CEP350: variants seen among roughly 807,000 people sequenced by gnomAD.
CEP350 encodes centrosome-associated protein 350.
In CEP350, 126 loss-of-function variants were observed where a neutral mutation model predicts 331.8. The observed-to-expected ratio is 0.38, with a 90% confidence interval of 0.33 to 0.44. The LOEUF (loss-of-function observed/expected upper bound fraction) is 0.44, where lower values mean the gene tolerates loss of function less well. CEP350 is among the 20% of genes least tolerant of loss of function. The pLI is 1.00. For synonymous variants in CEP350, 1,200 were observed against 1,259.5 expected (o/e 0.95, Z 1.00); for missense variants, 3,406 against 3,634.6 (o/e 0.94, Z 1.62).
intron 2 of CEP350, among the ~76,000 whole-genome samples, chr1:179,986,632 A>AT (rs1392691617): frequency 6.6e-6 from 1 of 152,128 alleles, no homozygotes; most frequent in Non-Finnish European, 1.5e-5. Flanking sequence ...AGGCATTGAT[A>AT]TTTTTTGAGG....
intron 8 of CEP350, among the ~76,000 whole-genome samples, chr1:180,011,290 A>G (rs1158942693): frequency 1.3e-5 from 2 of 151,178 alleles, no homozygotes; most frequent in African/African-American, 4.9e-5. Context: ...TCTTTGTTAT[A>G]TGTTTCCTCC....
rs1470446417 is a variant in CEP350, at chr1:180,022,730, A to G, written c.3268A>G (p.Thr1090Ala). The G allele has an allele frequency of 3.7e-6, 6 of 1,612,400 alleles. No individual in the cohort carries two copies. Among genetic ancestry groups the G allele is most frequent in the Middle Eastern group, 1.6e-4 (1 of 6,084 alleles). ...AGACAAGTTGGACAGAGGAACATCA[A>G]CATCACGGCCTTTGAATGCCACCGC... ...FEDKLDRGTS[T>A]SRPLNATATP... Residue 1090 changes from threonine to alanine, a missense_variant, in exon 13 of 38, where the codon ACA (threonine) becomes GCA (alanine). Thr to Ala is a moderately conservative substitution (Grantham distance 58). Coordinates refer to ENST00000367607, the MANE Select transcript of CEP350 (RefSeq NM_014810.5).
chr1:180,005,162 C>T (rs1054281415), intron 7 of CEP350, among the ~76,000 whole-genome samples: 3 of 151,554 alleles, frequency 2.0e-5, no homozygotes, highest in Non-Finnish European at 4.4e-5. Context: ...CTAGTGATTC[C>T]CAAAGTAATG....
In CEP350 at chr1:180,014,044, A is replaced by G. The variant is rs1249554210; in HGVS notation, c.1591A>G (p.Ile531Val). The G allele has an allele frequency of 1.2e-6, 2 of 1,612,920 alleles. No homozygotes were observed. Among genetic ancestry groups the G allele is most frequent in the Non-Finnish European group, 1.7e-6 (2 of 1,179,316 alleles). Reference protein sequence around the residue: ...KDFLPIEIRGILDDLQLDSTA... With the variant: ...KDFLPIEIRGVLDDLQLDSTA... ...CTTTTTACCTATTGAAATTCGTGGC[A>G]TTCTTGATGACCTACAGCTGGATTC... The change falls in exon 10 of 38, where the codon ATT (isoleucine) becomes GTT (valine). Residue 531 changes from isoleucine to valine, a missense_variant. Around this residue, in one of 5 missense-constraint regions of CEP350, gnomAD observed 1,857 missense variants for 1,909.2 expected, o/e 0.97. Coordinates refer to ENST00000367607, the MANE Select transcript of CEP350 (RefSeq NM_014810.5).
At chr1:180,028,323 A>G (rs1401801714) in intron 14 of CEP350, among the ~76,000 whole-genome samples, 1 of 152,216 alleles carries the variant, frequency 6.6e-6, no homozygotes, top group East Asian at 1.9e-4. Flanking sequence ...ATTCAGCTGA[A>G]CACAGTTTGG....
At chr1:180,065,560 T>A (rs1344755902) in intron 27 of CEP350, among the ~76,000 whole-genome samples, 1 of 151,618 alleles carries the variant, frequency 6.6e-6, no homozygotes, top group Admixed American at 6.6e-5. Flanking sequence ...GGCAGGAGGA[T>A]CATCTGAGCC....
intron 23 of CEP350, among the ~76,000 whole-genome samples, chr1:180,053,534 A>G (rs1657634696): frequency 6.6e-6 from 1 of 152,216 alleles, no homozygotes; most frequent in Admixed American, 6.5e-5. Flanking sequence ...TTGGGACAGT[A>G]ATTGGCTTGC....
Position 180,022,710 on chromosome 1 carries a change from A to G in CEP350, c.3248A>G (p.Lys1083Arg). ...YQLYGKGFED[K>R]LDRGTSTSRP... Reference sequence around the variant, plus strand: ...TTACTTTTGTCAGGGTTTGAAGACAAGTTGGACAGAGGAACATCAACATCA... The same window carrying G: ...TTACTTTTGTCAGGGTTTGAAGACAGGTTGGACAGAGGAACATCAACATCA... The change falls in exon 13 of 38, where the codon AAG (lysine) becomes AGG (arginine). Residue 1083 changes from lysine (K) to arginine (R), a missense_variant. Physicochemically the swap from Lys to Arg is conservative, Grantham distance 26 (BLOSUM62 2). Around this residue, in one of 5 missense-constraint regions of CEP350, gnomAD observed 1,857 missense variants for 1,909.2 expected, o/e 0.97. Coordinates refer to ENST00000367607, the MANE Select transcript of CEP350 (RefSeq NM_014810.5). 6.2e-7 allele frequency: 1 copy of G among 1,612,026 alleles called. No individual in the cohort carries two copies. Among genetic ancestry groups the G allele is most frequent in the South Asian group, 1.1e-5 (1 of 90,598 alleles).
chr1:180,093,541 T>A lies in CEP350; in HGVS notation c.7436T>A (p.Val2479Asp). ...AGTGATGTGGAGCATGAACAGCAAG[T>A]TACTGAATCCCCTTCCTTGGCTTCA... ...ERSDVEHEQQ[V>D]TESPSLASVP... The change falls in exon 34 of 38, where the codon GTT becomes GAT. Residue 2479 changes from valine (V) to aspartate (D), a missense_variant. Around this residue, in one of 5 missense-constraint regions of CEP350, gnomAD observed 1,415 missense variants for 1,512.3 expected, o/e 0.94. Transcript: ENST00000367607. 2 of 1,613,808 alleles carry A rather than the reference T, an allele frequency of 1.2e-6. No homozygotes were observed. The highest frequency in any genetic ancestry group is 1.7e-6 in the Non-Finnish European group (2 of 1,179,740).
In CEP350 at chr1:180,087,581, T is replaced by C; in HGVS notation, c.6289T>C (p.Tyr2097His). ...EASLIKQLES[Y>H]DEFIKKTEAE... ...CCTCTGGTTTTTCTAAACTTAGTCA[T>C]ATGATGAATTTATTAAGAAAACTGA... Residue 2097 changes from tyrosine (Y) to histidine (H), a missense_variant, in exon 32 of 38, where the codon TAT (tyrosine) becomes CAT (histidine). Coordinates refer to ENST00000367607, the MANE Select transcript of CEP350 (RefSeq NM_014810.5). 6.5e-7 allele frequency: 1 copy of C among 1,540,968 alleles called. No homozygotes were observed. The highest frequency in any genetic ancestry group is 8.8e-7 in the Non-Finnish European group (1 of 1,140,874).
At chr1:180,107,949 A>G (rs753738500) in intron 37 of CEP350, among the ~76,000 whole-genome samples, 2 of 152,162 alleles carry the variant, frequency 1.3e-5, no homozygotes, top group Non-Finnish European at 2.9e-5. Context: ...CTTCAGGAGC[A>G]GGATCGGGGA....
chr1:180,091,643 C>A (rs1660204400), intron 33 of CEP350, among the ~76,000 whole-genome samples: 1 of 152,052 alleles, frequency 6.6e-6, no homozygotes, highest in Non-Finnish European at 1.5e-5. Flanking sequence ...CCAGCCTGGG[C>A]AATATGGTGA....
chr1:180,065,093 T>A lies in CEP350; in HGVS notation c.5410-22T>A. On this transcript the variant is annotated intron_variant, in intron 26 of 37. Transcript: ENST00000367607. ...AAGGTCCTATTAAAGTCCAATACAA[T>A]TTTGCCTCTTTTTGTTTGCAGGACT... is the stretch of plus-strand genomic sequence containing the variant. The A allele has an allele frequency of 1.9e-6, 3 of 1,572,364 alleles. No homozygotes were observed. The South Asian group carries it at 3.6e-5, about 19-fold the overall frequency.
intron 8 of CEP350, among the ~76,000 whole-genome samples, chr1:180,006,781 C>G (rs187277281): frequency 6.6e-6 from 1 of 152,064 alleles, no homozygotes; most frequent in South Asian, 2.1e-4. Context: ...CAACAAGCCC[C>G]GATGTGTGAT....
chr1:180,042,096 T>G (rs1656796036), intron 19 of CEP350, among the ~76,000 whole-genome samples: 2 of 151,388 alleles, frequency 1.3e-5, no homozygotes, highest in African/African-American at 4.9e-5. Context: ...CAATAAAATG[T>G]ACCTATTTTA....
In CEP350 at chr1:180,092,046, C is replaced by CAA. The variant is rs36052056; in HGVS notation, c.6509-559_6509-558dup. 1.8e-3 allele frequency among the ~76,000 whole-genome samples: 269 copies of CAA among 148,510 alleles called. 1 individual carries two copies. Among genetic ancestry groups the CAA allele is most frequent in the Admixed American group, 4.0e-3 (60 of 14,980 alleles). On this transcript the variant is annotated intron_variant, in intron 33 of 37. Transcript: ENST00000367607. ...GTGACAGAGCAGATTCTTGCTCTTA[C>CAA]AAAAAAAAAACGATTTGAATTTAAA...
At position 180,094,334 on chromosome 1, in the gene CEP350, G is replaced by A. The variant is rs770939362; in HGVS notation, c.8229G>A (p.Lys2743=). Residue 2743 remains lysine, a synonymous_variant, in exon 34 of 38, where the codon AAG becomes AAA. Transcript: ENST00000367607. ...QLKSSLNEEK[K]SKQQLEKISL... is the part of the protein sequence containing the mutation. ...AGTCATCACTAAATGAGGAAAAAAA[G>A]TCAAAACAACAACTGGAAAAAATCA... 6.2e-7 allele frequency: 1 copy of A among 1,613,824 alleles called. No homozygotes were observed. Among genetic ancestry groups the A allele is most frequent in the Non-Finnish European group, 8.5e-7 (1 of 1,179,828 alleles).
intron 27 of CEP350, among the ~76,000 whole-genome samples, chr1:180,066,238 T>C (rs1410639819): frequency 6.6e-6 from 1 of 152,196 alleles, no homozygotes; most frequent in Non-Finnish European, 1.5e-5. Context: ...GGTTAAAAAT[T>C]AGCTGCTTGT....
intron 14 of CEP350, among the ~76,000 whole-genome samples, chr1:180,025,593 A>G (rs1571885479): frequency 1.3e-5 from 2 of 152,174 alleles, no homozygotes; most frequent in East Asian, 3.9e-4. Context: ...TTTTGCTTCC[A>G]AAAATGTTTT....
Sources: gnomAD v4.1 joint callset for allele counts (sites outside exome capture counted in the v4.1 genomes callset) on GRCh38, gnomAD v4.1.1 for gene constraint, gnomAD v4.1.1 regional missense constraint, MANE v1.5 for transcripts, NCBI Gene and HGNC (gene_info 2026-07-23, HGNC 2026-07-21) for gene names.